The following PTPRE variants were observed in gnomAD, a reference collection of about 807,000 sequenced individuals.
PTPRE encodes protein tyrosine phosphatase receptor type E, also known as receptor-type tyrosine-protein phosphatase epsilon.
In PTPRE, 51 loss-of-function variants were observed where a neutral mutation model predicts 102.0. The observed-to-expected ratio is 0.50, with a 90% confidence interval of 0.40 to 0.63. The LOEUF is 0.63. Ranked by LOEUF, PTPRE falls within the 30% of genes least tolerant of loss-of-function variation. The probability of loss-of-function intolerance (pLI) is 0.00; values close to 1 mark genes in which losing one functional copy is unlikely to be tolerated. For synonymous variants in PTPRE, 345 were observed against 348.2 expected, an observed-to-expected ratio of 0.99 and a Z score of 0.10; for missense variants, 752 against 915.1, an observed-to-expected ratio of 0.82 and a Z score of 2.30.
intron 1 of PTPRE, among the ~76,000 whole-genome samples, chr10:127,937,845 C>T (rs1039584722): frequency 1.3e-5 from 2 of 151,806 alleles, no homozygotes; most frequent in Non-Finnish European, 2.9e-5. Context: ...GGAGGCAAAG[C>T]GAGACTCTGT....
intron 1 of PTPRE, among the ~76,000 whole-genome samples, chr10:127,962,451 C>T (rs1176983049): frequency 2.0e-5 from 3 of 152,210 alleles, no homozygotes; most frequent in African/African-American, 7.2e-5. Flanking sequence ...GCTCTGTGCA[C>T]CCGCAGCTGC....
intron 1 of PTPRE, among the ~76,000 whole-genome samples, chr10:127,950,480 C>T (rs1848934871): frequency 1.3e-5 from 2 of 152,166 alleles, no homozygotes; most frequent in Admixed American, 1.3e-4. Context: ...AACTCCCACA[C>T]ACTAGGAGGG....
chr10:128,040,814 C>T (rs773454404), intron 2 of PTPRE, 61 bp from the exon 3 acceptor site: 1 of 1,317,078 alleles, frequency 7.6e-7, no homozygotes, highest in Non-Finnish European at 1.1e-6. Flanking sequence ...CACTGCCTGG[C>T]ACCGGAGGGT....
chr10:128,051,682 G>T (rs1336769521), intron 6 of PTPRE, among the ~76,000 whole-genome samples: 2 of 152,254 alleles, frequency 1.3e-5, no homozygotes, highest in Admixed American at 6.5e-5. Flanking sequence ...TGCACCCAGA[G>T]GAAGTTCCTC....
chr10:127,952,674 AG>A (rs1305612820), intron 1 of PTPRE, among the ~76,000 whole-genome samples: 3 of 152,140 alleles, frequency 2.0e-5, no homozygotes, highest in Non-Finnish European at 4.4e-5. Context: ...CCTACACACT[AG>A]GGGATAAAGT....
At chr10:128,036,989 G>A (rs1405670500) in intron 2 of PTPRE, among the ~76,000 whole-genome samples, 1 of 152,146 alleles carries the variant, frequency 6.6e-6, no homozygotes, top group Non-Finnish European at 1.5e-5. Context: ...AACTTTCCTG[G>A]CGGCTCATGA....
intron 1 of PTPRE, among the ~76,000 whole-genome samples, chr10:127,943,996 T>A (rs1343694402): frequency 6.6e-6 from 1 of 151,932 alleles, no homozygotes; most frequent in East Asian, 1.9e-4. Flanking sequence ...TTAGAAGCAA[T>A]AGTGTTGGCC....
At chr10:127,912,808 A>G (rs1845953193) in intron 1 of PTPRE, among the ~76,000 whole-genome samples, 1 of 152,368 alleles carries the variant, frequency 6.6e-6, no homozygotes, top group Non-Finnish European at 1.5e-5. Context: ...CACTCTGTGC[A>G]TGTATGTGAC....
intron 2 of PTPRE, among the ~76,000 whole-genome samples, chr10:127,991,361 G>T (rs1487655043): frequency 6.6e-6 from 1 of 152,078 alleles, no homozygotes; most frequent in Non-Finnish European, 1.5e-5. Flanking sequence ...TATATTTTCC[G>T]CCTGCTGAGC....
chr10:128,022,216 C>T (rs1342418441), intron 2 of PTPRE, among the ~76,000 whole-genome samples: 1 of 152,228 alleles, frequency 6.6e-6, no homozygotes, highest in Non-Finnish European at 1.5e-5. Context: ...CAGGCCCCTC[C>T]TGAGTCGGCA....
chr10:127,989,755 C>T (rs970972692), intron 2 of PTPRE, among the ~76,000 whole-genome samples: 16 of 152,222 alleles, frequency 1.1e-4, no homozygotes, highest in African/African-American at 1.9e-4. Context: ...ATTCTGCAAA[C>T]GGTTTGCTGG....
chr10:128,016,284 TAATACA>T (rs1387638815), intron 2 of PTPRE, among the ~76,000 whole-genome samples: 6 of 152,148 alleles, frequency 3.9e-5, no homozygotes, highest in Non-Finnish European at 7.4e-5. Context: ...TCAAACCCAG[TAATACA>T]GGTCACATTT....
chr10:127,948,538 A>G (rs1268054113), intron 1 of PTPRE, among the ~76,000 whole-genome samples: 1 of 151,876 alleles, frequency 6.6e-6, no homozygotes, highest in Admixed American at 6.6e-5. Context: ...GAACCTGGCA[A>G]CCACTGATTT....
At chr10:128,072,263 A>T in intron 16 of PTPRE, 49 bp downstream of exon 16, 1 of 1,458,590 alleles carries the variant, frequency 6.9e-7, no homozygotes, top group Non-Finnish European at 9.5e-7. Context: ...TTTCCTTCAC[A>T]TGTGACCACA....
intron 1 of PTPRE, among the ~76,000 whole-genome samples, chr10:127,930,771 T>C (rs114619926): frequency 0.013 from 1,919 of 152,036 alleles, 39 homozygotes; most frequent in African/African-American, 0.043. Context: ...CTATTGCCAG[T>C]TATTTATTTT....
At chr10:127,955,268 C>T (rs1849314106) in intron 1 of PTPRE, among the ~76,000 whole-genome samples, 1 of 151,154 alleles carries the variant, frequency 6.6e-6, no homozygotes, top group Non-Finnish European at 1.5e-5. Context: ...TCATATGATG[C>T]AGAGAATAAA....
chr10:128,067,479 C>T (rs1041401847), intron 11 of PTPRE, among the ~76,000 whole-genome samples: 1 of 152,072 alleles, frequency 6.6e-6, no homozygotes, highest in African/African-American at 2.4e-5. Context: ...CACATTCACA[C>T]GTGCGCACAT....
In PTPRE at chr10:128,004,063, CTTATTG is replaced by C. The variant is rs573661460; in HGVS notation, c.-8+21770_-8+21775del. ...ATGAAGGTGATAATGGTCCTAACCTCTTATTGTTGGGGGGATTAAATGGGTCAATGA... is the reference window on the plus strand; with the variant it reads ...ATGAAGGTGATAATGGTCCTAACCTCTTGGGGGGATTAAATGGGTCAATGA... On this transcript the variant is annotated intron_variant, in intron 2 of 20. Transcript: ENST00000254667. 1.5e-3 allele frequency among the ~76,000 whole-genome samples: 223 copies of C among 152,102 alleles called. 2 individuals are homozygous for C. Among genetic ancestry groups the C allele is most frequent in the African/African-American group, 5.1e-3 (213 of 41,476 alleles).
At chr10:128,003,231 G>T (rs938447563) in intron 2 of PTPRE, among the ~76,000 whole-genome samples, 1 of 152,154 alleles carries the variant, frequency 6.6e-6, no homozygotes, top group African/African-American at 2.4e-5. Flanking sequence ...CTCAGCACAC[G>T]CCTGCACGTG....
Sources: gnomAD v4.1 joint callset for allele counts (sites outside exome capture counted in the v4.1 genomes callset) on GRCh38, gnomAD v4.1.1 for gene constraint, MANE v1.5 for transcripts, NCBI Gene and HGNC (gene_info 2026-07-23, HGNC 2026-07-21) for gene names.